MYO16: variants seen among roughly 807,000 people sequenced by gnomAD.
MYO16 encodes myosin XVI, also known as unconventional myosin-XVI.
MYO16 carries 94 observed loss-of-function variants against 205.3 expected under a neutral mutation model. That is an observed-to-expected ratio of 0.46 (90% CI 0.39 to 0.54). The LOEUF is 0.54. Ranked by LOEUF, MYO16 falls within the 20% of genes least tolerant of loss-of-function variation. MYO16 has a pLI of 0.00. For missense variants in MYO16, 2,315 were observed against 2,387.5 expected (o/e 0.97, Z 0.63); for synonymous variants, 988 against 954.0 (o/e 1.04, Z -0.66).
intron 1 of MYO16, among the ~76,000 whole-genome samples, chr13:108,604,611 T>A (rs1209835426): frequency 6.6e-6 from 1 of 152,226 alleles, no homozygotes; most frequent in South Asian, 2.1e-4. Flanking sequence ...AGTTTTGAAT[T>A]GTTGAAGTCA....
chr13:108,867,828 T>C (rs1297010783), intron 12 of MYO16, among the ~76,000 whole-genome samples: 5 of 152,168 alleles, frequency 3.3e-5, no homozygotes, highest in Non-Finnish European at 5.9e-5. Context: ...AAACGTGACA[T>C]ACCTCCCCAA....
intron 23 of MYO16, among the ~76,000 whole-genome samples, chr13:109,040,060 T>C (rs1024586108): frequency 2.0e-5 from 3 of 152,070 alleles, no homozygotes; most frequent in Admixed American, 2.0e-4. Context: ...CTCTCACACA[T>C]AAATTCTATG....
the MYO16 span, among the ~76,000 whole-genome samples, chr13:108,587,222 T>C: frequency 1.3e-5 from 2 of 152,206 alleles, no homozygotes; most frequent in African/African-American, 4.8e-5. Context: ...TAAGCAATTA[T>C]GACCATGACT....
the MYO16 span, among the ~76,000 whole-genome samples, chr13:108,590,475 T>C: frequency 1.3e-5 from 2 of 152,210 alleles, no homozygotes; most frequent in Non-Finnish European, 2.9e-5. Context: ...TGTGTTGAAC[T>C]GTGTCCCCCA....
intron 9 of MYO16, among the ~76,000 whole-genome samples, chr13:108,832,843 A>G (rs984082253): frequency 1.3e-5 from 2 of 152,188 alleles, no homozygotes; most frequent in Non-Finnish European, 2.9e-5. Flanking sequence ...TTAATCAAAT[A>G]TTACAACTAC....
rs1418296942 is a variant in MYO16 at position 108,608,391 on chromosome 13, T to C, written c.-39+12152T>C. ...GCTCTGCCTAGGAGCCTTCCCCAAC[T>C]AATGCTGATTCATCATGCACACCTT... On this transcript the variant is annotated intron_variant, in intron 1 of 24. Coordinates refer to the MYO16 transcript ENST00000251041. Among the ~76,000 whole-genome samples, 3 of 152,102 alleles carry C rather than the reference T, an allele frequency of 2.0e-5. No homozygotes were observed. The East Asian group carries it at 5.8e-4, about 29-fold the overall frequency.
At chr13:109,045,487 TG>T (rs1887011313) in intron 23 of MYO16, among the ~76,000 whole-genome samples, 1 of 152,196 alleles carries the variant, frequency 6.6e-6, no homozygotes, top group African/African-American at 2.4e-5. Flanking sequence ...AAGTGCAAAC[TG>T]GATAATTAGG....
chr13:108,519,161 C>A, the MYO16 span, among the ~76,000 whole-genome samples: 2 of 152,196 alleles, frequency 1.3e-5, no homozygotes, highest in Non-Finnish European at 2.9e-5. Flanking sequence ...TCTTGGTCAT[C>A]TTACCAGAGG....
At chr13:108,850,290 G>T in intron 10 of MYO16, among the ~76,000 whole-genome samples, 1 of 152,220 alleles carries the variant, frequency 6.6e-6, no homozygotes. Flanking sequence ...ACAAGCAAAC[G>T]CAAGACAACA....
At chr13:109,024,768 C>T (rs1354126510) in intron 23 of MYO16, among the ~76,000 whole-genome samples, 2 of 152,036 alleles carry the variant, frequency 1.3e-5, no homozygotes, top group African/African-American at 4.8e-5. Flanking sequence ...ACTAATGAGT[C>T]TTAGCCAAAA....
At chr13:108,541,031 C>T in the MYO16 span, among the ~76,000 whole-genome samples, 5 of 152,022 alleles carry the variant, frequency 3.3e-5, no homozygotes, top group African/African-American at 9.7e-5. Flanking sequence ...ACGGAATGAA[C>T]GTTGTTTTCA....
At chr13:108,895,184 G>GA (rs1212642517) in intron 14 of MYO16, among the ~76,000 whole-genome samples, 1 of 150,620 alleles carries the variant, frequency 6.6e-6, no homozygotes, top group Non-Finnish European at 1.5e-5. Flanking sequence ...TAAATTTATA[G>GA]AAAAAATACC....
intron 27 of MYO16, among the ~76,000 whole-genome samples, chr13:109,085,729 C>G (rs576311114): frequency 6.6e-6 from 1 of 152,096 alleles, no homozygotes; most frequent in Admixed American, 6.5e-5. Flanking sequence ...GGAGCACATA[C>G]GCTTAGTGGG....
At position 108,823,258 on chromosome 13, in the gene MYO16, T is replaced by C. The variant is rs760579912; in HGVS notation, c.1077T>C (p.Leu359=). The C allele has an allele frequency of 6.2e-7, 1 of 1,611,220 alleles. No individual in the cohort carries two copies. Among genetic ancestry groups the C allele is most frequent in the Non-Finnish European group, 8.5e-7 (1 of 1,178,472 alleles). The change falls in exon 9 of 35, where the codon CTT becomes CTC. Residue 359 remains leucine (L), a synonymous_variant. Coordinates refer to ENST00000457511, the MANE Select transcript of MYO16 (RefSeq NM_001198950.3). The part of the protein sequence containing the change: ...EEPYEEIIHD[L]PVLSSKLSPL... Reference sequence around the variant, plus strand: ...CCTATGAAGAGATCATTCACGATCTTCCCGTACTGTCGAGTAAGCTGTAAG... The same window carrying C: ...CCTATGAAGAGATCATTCACGATCTCCCCGTACTGTCGAGTAAGCTGTAAG...
rs1417530603 is a variant in MYO16, at chr13:108,629,858, A to G, written c.14A>G (p.His5Arg). 4 of 1,528,604 alleles carry G rather than the reference A, an allele frequency of 2.6e-6. No homozygotes were observed. Among genetic ancestry groups the G allele is most frequent in the Non-Finnish European group, 2.6e-6 (3 of 1,140,746 alleles). The allele number at this position is 1,528,604 out of a possible 1,614,324, so 94.7% of individuals were successfully genotyped here. A position where few individuals can be genotyped will look rare whatever the true frequency, so the allele number is the denominator to read the frequency against. ...TGAGATGGAAAGATGTCTCACTATC[A>G]TTTTATCAAGTGCTGTAAGTAAGCT... MSHY[H>R]FIKCCCFQLC... The change falls in exon 1 of 35, where the codon CAT becomes CGT. Residue 5 changes from histidine to arginine, a missense_variant. Coordinates refer to ENST00000457511, the MANE Select transcript of MYO16 (RefSeq NM_001198950.3).
intron 4 of MYO16, among the ~76,000 whole-genome samples, chr13:108,733,097 T>C (rs75286662): frequency 1.3e-5 from 2 of 152,154 alleles, no homozygotes; most frequent in Admixed American, 6.5e-5. Flanking sequence ...TTTTATTGAT[T>C]TGTGAGGTGA....
chr13:108,500,210 T>C, the MYO16 span, among the ~76,000 whole-genome samples: 3 of 9,014 alleles, frequency 3.3e-4, no homozygotes, highest in Admixed American at 1.7e-3. Flanking sequence ...ATTCCTGTTT[T>C]TTTTTTTTTT....
intron 4 of MYO16, chr13:108,780,023 G>A (rs149046828): frequency 6.6e-6 from 1 of 152,300 alleles, no homozygotes; most frequent in East Asian, 1.9e-4. Context: ...TTGCAGAAAT[G>A]CTTCATTGAC....
chr13:108,498,286 A>G, the MYO16 span, among the ~76,000 whole-genome samples: 6 of 152,326 alleles, frequency 3.9e-5, no homozygotes, highest in South Asian at 1.0e-3. Flanking sequence ...CTCTACCCCA[A>G]GTGAAGGCGA....
Sources: allele counts gnomAD v4.1 joint callset (sites outside exome capture counted in the v4.1 genomes callset), GRCh38; gene constraint gnomAD v4.1.1; transcripts MANE v1.5; gene names NCBI Gene and HGNC (gene_info 2026-07-23, HGNC 2026-07-21).